The following THSD4 variants were observed in gnomAD, a reference collection of about 807,000 sequenced individuals.
The protein encoded by THSD4 is thrombospondin type 1 domain containing 4.
Under a neutral mutation model 119.0 loss-of-function variants are expected in THSD4, and 69 were observed. The ratio of observed to expected loss-of-function variants is 0.58; its 90% CI spans 0.48 to 0.71. THSD4 has a LOEUF of 0.71. Among genes scored for constraint, THSD4 ranks in the 30% least tolerant of loss-of-function variants. The probability of loss-of-function intolerance (pLI) is 0.00; values close to 1 mark genes in which losing one functional copy is unlikely to be tolerated. For synonymous variants in THSD4, 524 were observed against 540.4 expected (o/e 0.97, Z 0.42); for missense variants, 1,393 against 1,391.1 (o/e 1.00, Z -0.02).
chr15:71,526,855 A>G (rs1006483766), intron 7 of THSD4, among the ~76,000 whole-genome samples: 2 of 152,206 alleles, frequency 1.3e-5, no homozygotes, highest in African/African-American at 4.8e-5. Context: ...TGCTGAACTG[A>G]GCAAGTTATG....
intron 6 of THSD4, among the ~76,000 whole-genome samples, chr15:71,384,445 A>G (rs1197560281): frequency 1.3e-5 from 2 of 152,176 alleles, no homozygotes; most frequent in African/African-American, 4.8e-5. Flanking sequence ...TAGCACTGAA[A>G]AAGATGAAGC....
intron 7 of THSD4, among the ~76,000 whole-genome samples, chr15:71,597,290 A>T (rs138042351): frequency 6.6e-6 from 1 of 152,160 alleles, no homozygotes; most frequent in Non-Finnish European, 1.5e-5. Flanking sequence ...GAAACTGACA[A>T]TTGGACTCTT....
intron 8 of THSD4, among the ~76,000 whole-genome samples, chr15:71,726,373 T>G (rs1457760202): frequency 6.6e-6 from 1 of 152,046 alleles, no homozygotes; most frequent in African/African-American, 2.4e-5. Context: ...GCTGAAAAAA[T>G]GAGTTTAAGA....
intron 7 of THSD4, among the ~76,000 whole-genome samples, chr15:71,433,907 A>AG (rs2046972655): frequency 6.6e-6 from 1 of 152,168 alleles, no homozygotes; most frequent in Admixed American, 6.5e-5. Flanking sequence ...GCTCACAGCA[A>AG]GATGTATACA....
intron 3 of THSD4, among the ~76,000 whole-genome samples, chr15:71,166,617 G>A (rs1274996389): frequency 6.6e-6 from 1 of 152,094 alleles, no homozygotes; most frequent in Non-Finnish European, 1.5e-5. Flanking sequence ...ATGTGGCAGA[G>A]GGAGGATATC....
chr15:71,105,861 C>T (rs768348045), intron 1 of THSD4, among the ~76,000 whole-genome samples: 24 of 152,096 alleles, frequency 1.6e-4, no homozygotes, highest in African/African-American at 5.6e-4. Flanking sequence ...ATTTTCCCCT[C>T]TTATATTAAT....
At chr15:71,701,085 A>AT (rs1224552535) in intron 8 of THSD4, among the ~76,000 whole-genome samples, 1 of 152,182 alleles carries the variant, frequency 6.6e-6, no homozygotes, top group Non-Finnish European at 1.5e-5. Flanking sequence ...ATTAAAGTCA[A>AT]ATGGCAGACT....
At chr15:71,484,157 C>T (rs1173988943) in intron 7 of THSD4, among the ~76,000 whole-genome samples, 2 of 152,142 alleles carry the variant, frequency 1.3e-5, no homozygotes, top group Non-Finnish European at 2.9e-5. Flanking sequence ...CCGTCTGGAA[C>T]GGAAACTTTT....
chr15:71,618,315 T>G (rs1185116202), intron 7 of THSD4, among the ~76,000 whole-genome samples: 1 of 152,188 alleles, frequency 6.6e-6, no homozygotes, highest in East Asian at 1.9e-4. Flanking sequence ...CTTCCAGGTA[T>G]ACACTTTAGG....
chr15:71,428,119 T>A (rs1251334683), intron 7 of THSD4, among the ~76,000 whole-genome samples: 3 of 152,132 alleles, frequency 2.0e-5, no homozygotes, highest in Admixed American at 2.0e-4. Context: ...GGCCAGATAG[T>A]CCACTTCTAC....
chr15:71,684,040 A>G (rs2051854472), intron 8 of THSD4, among the ~76,000 whole-genome samples: 1 of 152,148 alleles, frequency 6.6e-6, no homozygotes, highest in Non-Finnish European at 1.5e-5. Context: ...AATAGCTTAC[A>G]TCTGCCAGTG....
chr15:71,658,197 T>C (rs150523434), intron 7 of THSD4, among the ~76,000 whole-genome samples: 3 of 152,282 alleles, frequency 2.0e-5, no homozygotes, highest in African/African-American at 7.2e-5. Flanking sequence ...GCTGATGCCA[T>C]AGGATGAAAA....
intron 8 of THSD4, among the ~76,000 whole-genome samples, chr15:71,667,765 CAAGG>C (rs2051444267): frequency 6.6e-6 from 1 of 152,104 alleles, no homozygotes; most frequent in Non-Finnish European, 1.5e-5. Context: ...GTAAAAATTT[CAAGG>C]AAGACAAATG....
chr15:71,702,136 G>A (rs1332423505), intron 8 of THSD4, among the ~76,000 whole-genome samples: 1 of 152,096 alleles, frequency 6.6e-6, no homozygotes, highest in African/African-American at 2.4e-5. Flanking sequence ...GCTCCCATCT[G>A]CTTGCTCTTC....
chr15:71,465,369 A>C (rs2047485693), intron 7 of THSD4, among the ~76,000 whole-genome samples: 2 of 152,326 alleles, frequency 1.3e-5, no homozygotes, highest in East Asian at 3.9e-4. Context: ...CTTATGCTGC[A>C]GTTAATTAGG....
chr15:71,329,007 T>A (rs2045385320), intron 6 of THSD4, among the ~76,000 whole-genome samples: 1 of 152,212 alleles, frequency 6.6e-6, no homozygotes, highest in African/African-American at 2.4e-5. Context: ...TCAAGATTTT[T>A]TTCCTAAAGA....
intron 7 of THSD4, among the ~76,000 whole-genome samples, chr15:71,534,285 A>G (rs932532800): frequency 2.0e-5 from 3 of 152,224 alleles, no homozygotes; most frequent in African/African-American, 7.2e-5. Context: ...ATTCATTTGC[A>G]GTCTCAACCC....
chr15:71,309,050 A>G (rs1306612136), intron 6 of THSD4, among the ~76,000 whole-genome samples: 1 of 152,208 alleles, frequency 6.6e-6, no homozygotes, highest in East Asian at 1.9e-4. Context: ...CCCAGGCCCA[A>G]GTGATTCTCC....
At chr15:71,376,702 G>A (rs1255363739) in intron 6 of THSD4, among the ~76,000 whole-genome samples, 1 of 152,140 alleles carries the variant, frequency 6.6e-6, no homozygotes, top group African/African-American at 2.4e-5. Flanking sequence ...CCAAGAAAGG[G>A]ATCCCAGGTG....
Sources: allele counts gnomAD v4.1 joint callset (sites outside exome capture counted in the v4.1 genomes callset), GRCh38; gene constraint gnomAD v4.1.1; transcripts MANE v1.5; gene names NCBI Gene and HGNC (gene_info 2026-07-23, HGNC 2026-07-21).